The following POT1 variants were observed in gnomAD, a reference collection of about 807,000 sequenced individuals.
POT1 encodes the protein protection of telomeres protein 1.
POT1 carries 47 observed loss-of-function variants against 78.5 expected under a neutral mutation model. The ratio of observed to expected loss-of-function variants is 0.60; its 90% CI spans 0.47 to 0.76. The LOEUF (loss-of-function observed/expected upper bound fraction) is 0.76, where lower values mean the gene tolerates loss of function less well. Among genes scored for constraint, POT1 ranks in the 30% least tolerant of loss-of-function variants. The probability of loss-of-function intolerance (pLI) is 0.00; values close to 1 mark genes in which losing one functional copy is unlikely to be tolerated. For missense variants in POT1, 646 were observed against 749.9 expected, an observed-to-expected ratio of 0.86 and a Z score of 1.62; for synonymous variants, 259 against 260.7, an observed-to-expected ratio of 0.99 and a Z score of 0.06.
intron 7 of POT1, among the ~76,000 whole-genome samples, chr7:124,867,629 A>G (rs773956656): frequency 1.3e-5 from 2 of 151,314 alleles, no homozygotes; most frequent in Non-Finnish European, 2.9e-5. Context: ...ATTTTGCTTT[A>G]TTATTTTTAT....
chr7:124,840,272 C>T (rs1444797203), intron 14 of POT1, among the ~76,000 whole-genome samples: 1 of 151,620 alleles, frequency 6.6e-6, no homozygotes, highest in African/African-American at 2.4e-5. Context: ...CAAAAGGTTT[C>T]AAGGGAAGAA....
In POT1 at chr7:124,840,990, C is replaced by A; in HGVS notation, c.1352G>T (p.Cys451Phe). The A allele has an allele frequency of 6.2e-7, 1 of 1,603,694 alleles. No homozygotes were observed. Among genetic ancestry groups the A allele is most frequent in the Non-Finnish European group, 8.5e-7 (1 of 1,171,738 alleles). Residue 451 changes from cysteine (C) to phenylalanine (F), a missense_variant, in exon 14 of 19, where the codon TGT becomes TTT. Transcript: ENST00000357628. ...TATCTTACCTTCTATCAAAAGTAGACATTCATTTGAAAGCGGGAGAATACC... is the reference window on the plus strand; with the variant it reads ...TATCTTACCTTCTATCAAAAGTAGAAATTCATTTGAAAGCGGGAGAATACC... ...NNGILPLSNE[C>F]LLLIEGGTLS...
At chr7:124,838,880 CCA>C (rs1794959375) in intron 14 of POT1, among the ~76,000 whole-genome samples, 1 of 152,130 alleles carries the variant, frequency 6.6e-6, no homozygotes, top group African/African-American at 2.4e-5. Flanking sequence ...GCTAAGATTA[CCA>C]GAGTGAGCCA....
At chr7:124,865,678 CTTTT>C (rs1025034346) in intron 7 of POT1, among the ~76,000 whole-genome samples, 3 of 150,612 alleles carry the variant, frequency 2.0e-5, no homozygotes, top group Non-Finnish European at 4.4e-5. Context: ...CACTTAATTC[CTTTT>C]TTAAGTTATT....
At chr7:124,824,127 A>G in intron 18 of POT1, 53 bp from the exon 19 acceptor site, 1 of 1,108,572 alleles carries the variant, frequency 9.0e-7, no homozygotes, top group Non-Finnish European at 1.3e-6. Context: ...AAAATAAATA[A>G]CTCTGAAATA....
chr7:124,841,367 T>C (rs562388667), intron 13 of POT1, among the ~76,000 whole-genome samples, 189 bp from the exon 14 acceptor site: 1 of 152,074 alleles, frequency 6.6e-6, no homozygotes, highest in South Asian at 2.1e-4. Flanking sequence ...AATAGATAAT[T>C]ATTTGATATT....
At chr7:124,847,989 CCTAT>C (rs1341219497) in intron 11 of POT1, among the ~76,000 whole-genome samples, 1 of 152,118 alleles carries the variant, frequency 6.6e-6, no homozygotes, top group African/African-American at 2.4e-5. Context: ...ACTAGAAATT[CCTAT>C]CTAAAGAAAA....
Position 124,829,328 on chromosome 7 carries a change from G to C in POT1, c.1520C>G (p.Ser507Cys). 6.3e-7 allele frequency: 1 copy of C among 1,576,812 alleles called. No individual in the cohort carries two copies. Among genetic ancestry groups the C allele is most frequent in the Non-Finnish European group, 8.7e-7 (1 of 1,147,436 alleles). The change falls in exon 16 of 19, where the codon TCT becomes TGT. Residue 507 changes from serine (S) to cysteine (C), a missense_variant. Around this residue, in one of 2 missense-constraint regions of POT1, gnomAD observed 394 missense variants for 408.4 expected, o/e 0.96. Transcript: ENST00000357628. Reference sequence around the variant, plus strand: ...TAGATTTTGTATGGATCTCAAACTAGAACACTGTTTACATCTGAAATTTAT... The same window carrying C: ...TAGATTTTGTATGGATCTCAAACTACAACACTGTTTACATCTGAAATTTAT... ...TIHHYGCKQCSSLRSIQNLNS... is the reference protein window; with the variant it reads ...TIHHYGCKQCCSLRSIQNLNS...
intron 9 of POT1, among the ~76,000 whole-genome samples, chr7:124,855,764 G>T (rs1795433089): frequency 6.6e-6 from 1 of 151,394 alleles, no homozygotes; most frequent in South Asian, 2.1e-4. Flanking sequence ...AAACGGTCAA[G>T]AATTTCCCTT....
chr7:124,834,473 G>A (rs1224433192), intron 15 of POT1, among the ~76,000 whole-genome samples: 1 of 152,064 alleles, frequency 6.6e-6, no homozygotes, highest in Non-Finnish European at 1.5e-5. Context: ...CATTTACACA[G>A]CCAACAAACA....
intron 3 of POT1, among the ~76,000 whole-genome samples, chr7:124,911,496 C>T (rs1796888745): frequency 6.6e-6 from 1 of 152,118 alleles, no homozygotes; most frequent in Non-Finnish European, 1.5e-5. Flanking sequence ...TATCAGCAAT[C>T]AATCTCAGAG....
Position 124,835,374 on chromosome 7 carries a change from A to G in POT1, c.1410T>C (p.Phe470=). Residue 470 remains phenylalanine, a synonymous_variant, in exon 15 of 19, where the codon TTT becomes TTC. Transcript: ENST00000357628. ...LSEICKLSNK[F]NSVIPVRSGH... ...CAGATCTCACAGGAATTACACTATT[A>G]AACTTGTTCGAGAGTTTGCAAATTT... is the stretch of plus-strand genomic sequence containing the variant. 1 of 1,613,960 alleles carries G rather than the reference A, an allele frequency of 6.2e-7. No individual in the cohort carries two copies. The highest frequency in any genetic ancestry group is 8.5e-7 in the Non-Finnish European group (1 of 1,179,810).
chr7:124,877,137 G>A (rs1796007843), intron 6 of POT1, among the ~76,000 whole-genome samples: 1 of 152,152 alleles, frequency 6.6e-6, no homozygotes, highest in African/African-American at 2.4e-5. Flanking sequence ...CTTCTGTAGA[G>A]AATAAAACAA....
At chr7:124,860,588 G>T (rs920473554) in intron 8 of POT1, among the ~76,000 whole-genome samples, 1 of 152,040 alleles carries the variant, frequency 6.6e-6, no homozygotes, top group East Asian at 1.9e-4. Flanking sequence ...TTAAATTGTT[G>T]TAAGAAAGGC....
At position 124,845,475 on chromosome 7, in the gene POT1, C is replaced by T. The variant is rs78751355; in HGVS notation, c.1006+1467G>A. Among the ~76,000 whole-genome samples, 458 of 152,290 alleles carry T rather than the reference C, an allele frequency of 3.0e-3. 14 individuals carry two copies. In the East Asian group the frequency reaches 0.074, roughly 25 times the overall value. ...AAGTGATACTGTATGCTTCTCAGTG[C>T]ATCACATCAAGGGGCATACAAAGTG... On this transcript the variant is annotated intron_variant, in intron 12 of 18. Transcript: ENST00000357628.
chr7:124,890,169 G>A (rs1796335821), intron 6 of POT1, among the ~76,000 whole-genome samples: 1 of 151,972 alleles, frequency 6.6e-6, no homozygotes, highest in African/African-American at 2.4e-5. Context: ...CCTCACAGAT[G>A]ACTTTGAGGG....
chr7:124,926,612 TAA>T (rs1797280111), intron 2 of POT1, among the ~76,000 whole-genome samples: 2 of 152,000 alleles, frequency 1.3e-5, no homozygotes, highest in South Asian at 4.1e-4. Context: ...AATCATTAAA[TAA>T]AAAAGAGACC....
intron 7 of POT1, among the ~76,000 whole-genome samples, chr7:124,865,724 T>C (rs1562994445): frequency 6.6e-6 from 1 of 151,632 alleles, no homozygotes. Flanking sequence ...TATTATTATT[T>C]TGAGACGGAT....
At chr7:124,865,702 A>AATT (rs886449054) in intron 7 of POT1, among the ~76,000 whole-genome samples, 6 of 150,558 alleles carry the variant, frequency 4.0e-5, no homozygotes, top group Non-Finnish European at 5.9e-5. Context: ...TTTATTTATT[A>AATT]ATTATTATTA....
Sources: gnomAD v4.1 joint callset for allele counts (sites outside exome capture counted in the v4.1 genomes callset) on GRCh38, gnomAD v4.1.1 for gene constraint, gnomAD v4.1.1 regional missense constraint, MANE v1.5 for transcripts, NCBI Gene and HGNC (gene_info 2026-07-23, HGNC 2026-07-21) for gene names.